EP400: variants seen among roughly 807,000 people sequenced by gnomAD.
EP400 encodes E1A binding protein p400.
A neutral mutation model predicts 354.1 loss-of-function variants in EP400; 105 were observed. The observed-to-expected ratio is 0.30, with a 90% CI of 0.25 to 0.35. The LOEUF is 0.35. EP400 is among the 10% of genes least tolerant of loss of function. The pLI is 1.00. For synonymous variants in EP400, 1,646 were observed against 1,716.9 expected (o/e 0.96, Z 1.02); for missense variants, 3,280 against 4,121.0 (o/e 0.80, Z 5.59).
At chr12:131,987,972 C>G in intron 7 of EP400, 82 bp downstream of exon 7, 1 of 895,630 alleles carries the variant, frequency 1.1e-6, no homozygotes, top group Non-Finnish European at 1.5e-6. Flanking sequence ...GTGGGGAGGT[C>G]TCCAGACCCA....
chr12:131,983,518 C>T (rs1274229888), intron 5 of EP400, among the ~76,000 whole-genome samples: 1 of 152,234 alleles, frequency 6.6e-6, no homozygotes, highest in Non-Finnish European at 1.5e-5. Context: ...CAGCCGTCAA[C>T]AGGGCACTGA....
At chr12:131,977,563 C>T (rs1892527417) in intron 2 of EP400, among the ~76,000 whole-genome samples, 1 of 150,978 alleles carries the variant, frequency 6.6e-6, no homozygotes, top group African/African-American at 2.4e-5. Context: ...CATACATGTT[C>T]ATTATAGAAC....
intron 45 of EP400, among the ~76,000 whole-genome samples, chr12:132,055,444 T>C (rs1278668042): frequency 6.6e-6 from 1 of 150,896 alleles, no homozygotes; most frequent in Non-Finnish European, 1.5e-5. Flanking sequence ...TGTGTGTGTG[T>C]GTGGTGTAGG....
rs1244131203 is a variant in EP400 at position 132,025,897 on chromosome 12, T to C, written c.5014+93T>C. The C allele has an allele frequency of 7.1e-7, 1 of 1,405,040 alleles. No homozygotes were observed. Among genetic ancestry groups the C allele is most frequent in the Non-Finnish European group, 9.4e-7 (1 of 1,067,204 alleles). The allele number at this position is 1,405,040 out of a possible 1,614,324, so 87.0% of individuals were successfully genotyped here. ...GAAAGCATTCATGTGTCTTTGACTG[T>C]ATCTCAGAACAGCACAGTCTAGTGT... is the stretch of plus-strand genomic sequence containing the variant. On this transcript the variant is annotated intron_variant, in intron 25 of 52. Coordinates refer to ENST00000389561, the MANE Select transcript of EP400 (RefSeq NM_015409.5). The surrounding 1 kb of genome is among the most constrained non-coding windows in gnomAD (Gnocchi z 4.1).
At chr12:132,012,251 G>A (rs1367916891) in intron 16 of EP400, among the ~76,000 whole-genome samples, 2 of 152,162 alleles carry the variant, frequency 1.3e-5, no homozygotes, top group African/African-American at 4.8e-5. Context: ...TGTTTTTGGT[G>A]CTATTGCAAA....
intron 11 of EP400, among the ~76,000 whole-genome samples, chr12:131,993,129 C>T (rs936390601): frequency 6.6e-6 from 1 of 152,168 alleles, no homozygotes; most frequent in South Asian, 2.1e-4. Flanking sequence ...CCCTCCCAAG[C>T]GATTCTCTTG....
chr12:132,043,118 T>A (rs1292079189), intron 32 of EP400, among the ~76,000 whole-genome samples, 186 bp from the exon 33 acceptor site: 1 of 152,286 alleles, frequency 6.6e-6, no homozygotes, highest in Non-Finnish European at 1.5e-5. Context: ...ACTCATTTTC[T>A]GTATTCCCTA....
chr12:132,029,759 C>T lies in EP400; in HGVS notation c.5440C>T (p.Pro1814Ser), dbSNP rs1241249075. The change falls in exon 28 of 53, where the codon CCG becomes TCG. Residue 1814 changes from proline to serine, a missense_variant. Coordinates refer to ENST00000389561, the MANE Select transcript of EP400 (RefSeq NM_015409.5). The surrounding 1 kb of genome is among the most constrained non-coding windows in gnomAD (Gnocchi z 4.7). ...AAPPSLRVPR[P>S]PPLYSHRMRI... ...ACCCCCGTCCCTACGGGTGCCGCGGCCGCCACCCCTGTACAGCCACAGAAT... is the reference window on the plus strand; with the variant it reads ...ACCCCCGTCCCTACGGGTGCCGCGGTCGCCACCCCTGTACAGCCACAGAAT... 1.4e-5 allele frequency: 23 copies of T among 1,613,310 alleles called. No individual in the cohort carries two copies. Among genetic ancestry groups the T allele is most frequent in the Non-Finnish European group, 1.9e-5 (23 of 1,180,014 alleles).
chr12:131,983,375 C>T (rs1892747405), intron 5 of EP400, among the ~76,000 whole-genome samples: 1 of 152,236 alleles, frequency 6.6e-6, no homozygotes, highest in Non-Finnish European at 1.5e-5. Flanking sequence ...ACTGATGCAG[C>T]TTGATACACA....
intron 14 of EP400, 144 bp from the exon 15 acceptor site, chr12:132,006,556 C>A: frequency 1.0e-6 from 1 of 966,158 alleles, no homozygotes. Flanking sequence ...CCAAAAGAAG[C>A]AATTCTTCCT....
Position 131,990,158 on chromosome 12 carries a change from A to G in EP400, c.2550+54A>G. ...AAGAATCAGTCTGTCGGAGCTGGTG[A>G]GGCCACTTCCCGAGACCAGAGCTCG... On this transcript the variant is annotated intron_variant, in intron 8 of 52. Coordinates refer to ENST00000389561, the MANE Select transcript of EP400 (RefSeq NM_015409.5). This position sits in a 1 kb window ranked among gnomAD's most constrained non-coding sequence, Gnocchi z 4.2. The G allele has an allele frequency of 6.4e-7, 1 of 1,555,510 alleles. No individual in the cohort carries two copies.
At chr12:132,048,229 T>A (rs528366876) in intron 39 of EP400, among the ~76,000 whole-genome samples, 1 of 152,296 alleles carries the variant, frequency 6.6e-6, no homozygotes, top group African/African-American at 2.4e-5. Flanking sequence ...AAGACAGGCC[T>A]AGGAAATCAC....
chr12:132,064,827 C>T lies in EP400; in HGVS notation c.8494C>T (p.Pro2832Ser). 1.2e-6 allele frequency: 2 copies of T among 1,612,430 alleles called. No individual in the cohort carries two copies. Among genetic ancestry groups the T allele is most frequent in the Non-Finnish European group, 1.7e-6 (2 of 1,179,714 alleles). The stretch of plus-strand genomic sequence containing the variant: ...CCCCCAGCTCACGACGGTCACGGCC[C>T]CAAGGCCTGGTGCCCTGCTGACGGG... ...QSPQLTTVTA[P>S]RPGALLTGTT... is the part of the protein sequence containing the mutation. Residue 2832 changes from proline (P) to serine (S), a missense_variant, in exon 48 of 53, where the codon CCA becomes TCA. This residue lies in a region of EP400 where 86 missense variants were observed against 66.4 expected (regional missense o/e 1.29). Transcript: ENST00000389561.
At chr12:132,012,714 C>T (rs544469193) in intron 16 of EP400, among the ~76,000 whole-genome samples, 1 of 152,164 alleles carries the variant, frequency 6.6e-6, no homozygotes, top group Non-Finnish European at 1.5e-5. Context: ...GAAGAGCTCG[C>T]CCTGCTTCAG....
At position 131,982,352 on chromosome 12, in the gene EP400, T is replaced by C. The variant is rs1265518997; in HGVS notation, c.1803T>C (p.Val601=). 6.2e-7 allele frequency: 1 copy of C among 1,614,006 alleles called. No homozygotes were observed. Among genetic ancestry groups the C allele is most frequent in the East Asian group, 2.2e-5 (1 of 44,856 alleles). The change falls in exon 5 of 53, where the codon GTT becomes GTC. Residue 601 remains valine (V), a synonymous_variant. Coordinates refer to ENST00000389561, the MANE Select transcript of EP400 (RefSeq NM_015409.5). The stretch of plus-strand genomic sequence containing the variant: ...CGGTGAAGACTCAGCAGCCCAATGT[T>C]CCCATCCCTGCACCGCCCAGCAGCC... ...QIPVKTQQPN[V]PIPAPPSSQL...
chr12:132,049,900 C>A (rs1474902798), intron 39 of EP400, among the ~76,000 whole-genome samples: 5 of 152,202 alleles, frequency 3.3e-5, no homozygotes, highest in Non-Finnish European at 7.3e-5. Context: ...TGGGCATGCG[C>A]CAGCCTCACT....
At chr12:132,023,300 T>TA (rs1565919292) in intron 23 of EP400, among the ~76,000 whole-genome samples, 1 of 95,628 alleles carries the variant, frequency 1.0e-5, no homozygotes, top group African/African-American at 6.9e-5. Flanking sequence ...GCCCAGCTAA[T>TA]TTTTTTTTTT....
intron 4 of EP400, among the ~76,000 whole-genome samples, 169 bp downstream of exon 4, chr12:131,981,765 C>T (rs1892689627): frequency 6.6e-6 from 1 of 152,178 alleles, no homozygotes; most frequent in Non-Finnish European, 1.5e-5. Flanking sequence ...ATGCAAAGCC[C>T]CTGGAGACAT....
In EP400 at chr12:132,032,075, G is replaced by A; in HGVS notation, c.5877G>A (p.Leu1959=). The A allele has an allele frequency of 2.5e-6, 4 of 1,614,194 alleles. No individual in the cohort carries two copies. Among genetic ancestry groups the A allele is most frequent in the Non-Finnish European group, 3.4e-6 (4 of 1,180,044 alleles). ...ADTVVFYDND[L]NPVMDAKAQE... Reference sequence around the variant, plus strand: ...CCGTCGTGTTTTATGACAATGACCTGAATCCAGTGATGGATGCCAAAGCTC... The same window carrying A: ...CCGTCGTGTTTTATGACAATGACCTAAATCCAGTGATGGATGCCAAAGCTC... The change falls in exon 30 of 53, where the codon CTG becomes CTA. Residue 1959 remains leucine, a synonymous_variant. Transcript: ENST00000389561.
Sources: gnomAD v4.1 joint callset for allele counts (sites outside exome capture counted in the v4.1 genomes callset) on GRCh38, gnomAD v4.1.1 for gene constraint, gnomAD v4.1.1 regional missense constraint, Gnocchi (gnomAD v3.1) non-coding constraint, MANE v1.5 for transcripts, NCBI Gene and HGNC (gene_info 2026-07-23, HGNC 2026-07-21) for gene names.